The following ACOXL variants were observed in gnomAD, a reference collection of about 807,000 sequenced individuals.
ACOXL encodes acyl-CoA oxidase like.
ACOXL carries 70 observed loss-of-function variants against 71.9 expected under a neutral mutation model. The ratio of observed to expected loss-of-function variants is 0.97; its 90% CI spans 0.80 to 1.19. The LOEUF (loss-of-function observed/expected upper bound fraction) is 1.19, where lower values mean the gene tolerates loss of function less well. Among genes scored for constraint, ACOXL ranks in the 50% most tolerant of loss-of-function variants. ACOXL has a pLI of 0.00. For synonymous variants in ACOXL, 253 were observed against 281.6 expected, an observed-to-expected ratio of 0.90 and a Z score of 1.02; for missense variants, 703 against 736.3, an observed-to-expected ratio of 0.95 and a Z score of 0.52.
At chr2:111,011,919 A>G (rs1199090595) in intron 14 of ACOXL, among the ~76,000 whole-genome samples, 1 of 150,500 alleles carries the variant, frequency 6.6e-6, no homozygotes, top group Non-Finnish European at 1.5e-5. Context: ...GTGTATTACC[A>G]GGGATAAAGA....
intron 1 of ACOXL, among the ~76,000 whole-genome samples, chr2:110,752,523 G>A (rs559153514): frequency 2.0e-5 from 3 of 150,810 alleles, no homozygotes; most frequent in South Asian, 2.1e-4. Context: ...TAGCACTTTC[G>A]GAGAGAGAAA....
At chr2:110,807,642 A>AC (rs982508837) in intron 9 of ACOXL, among the ~76,000 whole-genome samples, 10 of 152,222 alleles carry the variant, frequency 6.6e-5, no homozygotes, top group African/African-American at 2.4e-4. Context: ...AAGACCCCGC[A>AC]CAGAGCCAGC....
At position 110,766,123 on chromosome 2, in the gene ACOXL, A is replaced by G. The variant is rs74439483; in HGVS notation, c.-22-2245A>G. 7.4e-4 allele frequency among the ~76,000 whole-genome samples: 113 copies of G among 152,268 alleles called. 5 individuals are homozygous for G. In the East Asian group the frequency reaches 0.016, roughly 21 times the overall value. ...TTAAAATCTTCATCAGATAATTCCA[A>G]TGTCTGATTAATCTTGGTGTGGGTA... On this transcript the variant is annotated intron_variant, in intron 1 of 17. Transcript: ENST00000439055.
intron 2 of ACOXL, among the ~76,000 whole-genome samples, chr2:110,777,994 G>A (rs1317639223): frequency 1.3e-5 from 2 of 152,238 alleles, no homozygotes; most frequent in South Asian, 2.1e-4. Flanking sequence ...TTGGAAGCTC[G>A]CATTGGGACC....
chr2:110,923,394 C>G (rs906074095), intron 11 of ACOXL, among the ~76,000 whole-genome samples: 1 of 151,996 alleles, frequency 6.6e-6, no homozygotes, highest in African/African-American at 2.4e-5. Flanking sequence ...ATGTAGGCTG[C>G]CACTCAATTG....
At chr2:110,931,514 A>G (rs563438539) in intron 11 of ACOXL, among the ~76,000 whole-genome samples, 1 of 152,254 alleles carries the variant, frequency 6.6e-6, no homozygotes, top group Admixed American at 6.5e-5. Flanking sequence ...AGACTTCCTT[A>G]GGGCACTGAC....
intron 9 of ACOXL, among the ~76,000 whole-genome samples, chr2:110,806,927 A>G (rs1236279814): frequency 1.3e-5 from 2 of 150,742 alleles, no homozygotes; most frequent in East Asian, 4.0e-4. Flanking sequence ...GGAGCCTTCC[A>G]GGAGGGCCTT....
chr2:110,768,089 A>G (rs949386362), intron 1 of ACOXL, among the ~76,000 whole-genome samples: 7 of 152,094 alleles, frequency 4.6e-5, no homozygotes, highest in Admixed American at 2.6e-4. Flanking sequence ...CCGAGATTGC[A>G]CTGCTGCACG....
intron 11 of ACOXL, among the ~76,000 whole-genome samples, chr2:110,923,619 G>T (rs1202795298): frequency 6.6e-5 from 10 of 152,060 alleles, no homozygotes; most frequent in Admixed American, 6.6e-4. Flanking sequence ...AAATTTTCTG[G>T]ATGTGCATTC....
At chr2:111,110,468 T>C (rs555515971) in intron 17 of ACOXL, among the ~76,000 whole-genome samples, 5 of 152,354 alleles carry the variant, frequency 3.3e-5, no homozygotes, top group African/African-American at 1.2e-4. Flanking sequence ...CTTTTCAGTT[T>C]CCATGAACTG....
At chr2:110,838,008 T>C (rs1573764832) in intron 9 of ACOXL, among the ~76,000 whole-genome samples, 1 of 151,812 alleles carries the variant, frequency 6.6e-6, no homozygotes, top group Non-Finnish European at 1.5e-5. Flanking sequence ...AACAAAGGGG[T>C]CAATTGTCTG....
At chr2:110,868,175 G>A (rs1694845424) in intron 10 of ACOXL, among the ~76,000 whole-genome samples, 1 of 152,218 alleles carries the variant, frequency 6.6e-6, no homozygotes, top group Non-Finnish European at 1.5e-5. Context: ...AGAAAAGGTA[G>A]CTAAGCTTTG....
At chr2:110,846,604 C>T (rs1396893504) in intron 10 of ACOXL, among the ~76,000 whole-genome samples, 5 of 147,582 alleles carry the variant, frequency 3.4e-5, no homozygotes, top group African/African-American at 1.2e-4. Flanking sequence ...AGGGTGAGAC[C>T]ATCCTCCCGC....
At chr2:111,054,757 A>G (rs1005403452) in intron 16 of ACOXL, among the ~76,000 whole-genome samples, 2 of 152,194 alleles carry the variant, frequency 1.3e-5, no homozygotes, top group African/African-American at 2.4e-5. Flanking sequence ...CTGGCAACCA[A>G]AAATCTCCAA....
At chr2:110,808,036 T>C (rs1218391895) in intron 9 of ACOXL, among the ~76,000 whole-genome samples, 1 of 152,172 alleles carries the variant, frequency 6.6e-6, no homozygotes, top group African/African-American at 2.4e-5. Context: ...AGCCTTGCCA[T>C]ATTGACCATC....
intron 11 of ACOXL, among the ~76,000 whole-genome samples, chr2:110,927,072 C>T (rs749513576): frequency 2.0e-5 from 3 of 152,152 alleles, no homozygotes; most frequent in Non-Finnish European, 4.4e-5. Context: ...TAGGAGGCAT[C>T]AGGAAACTTA....
At chr2:110,738,644 G>T (rs1332927148) in intron 1 of ACOXL, among the ~76,000 whole-genome samples, 1 of 152,102 alleles carries the variant, frequency 6.6e-6, no homozygotes. Context: ...TTTTGGCATT[G>T]TTGTATTATA....
chr2:110,942,865 CAG>C lies in ACOXL; in HGVS notation c.1059+9226_1059+9227del, dbSNP rs572530237. 2.4e-4 allele frequency among the ~76,000 whole-genome samples: 35 copies of C among 143,046 alleles called. 1 individual carries two copies. The South Asian group carries it at 4.4e-3, about 18-fold the overall frequency. The allele number at this position is 143,046 out of a possible 152,430, so 93.8% of individuals were successfully genotyped here. ...TGCCACTGGACTCCAGCCTGGGTGA[CAG>C]AGTGTGACCCTGAAAAAAAAAGGAA... On this transcript the variant is annotated intron_variant, in intron 12 of 17. Transcript: ENST00000439055.
intron 16 of ACOXL, among the ~76,000 whole-genome samples, chr2:111,091,556 A>G (rs1216372683): frequency 6.6e-6 from 1 of 152,126 alleles, no homozygotes; most frequent in Non-Finnish European, 1.5e-5. Context: ...CACATAATTT[A>G]TATGATTTAT....
Sources: gnomAD v4.1 joint callset for allele counts (sites outside exome capture counted in the v4.1 genomes callset) on GRCh38, gnomAD v4.1.1 for gene constraint, MANE v1.5 for transcripts, NCBI Gene and HGNC (gene_info 2026-07-23, HGNC 2026-07-21) for gene names.